Variants in MKKS observed in about 807,000 individuals in gnomAD.
MKKS encodes the protein MKKS centrosomal shuttling protein, also known as molecular chaperone MKKS.
A neutral mutation model predicts 33.2 loss-of-function variants in MKKS; 29 were observed. The observed-to-expected ratio is 0.87, with a 90% CI of 0.65 to 1.19. The LOEUF is 1.19. Among genes scored for constraint, MKKS ranks in the 50% most tolerant of loss-of-function variants. The probability of loss-of-function intolerance (pLI) is 0.00; values close to 1 mark genes in which losing one functional copy is unlikely to be tolerated. For synonymous variants in MKKS, 260 were observed against 244.0 expected, an observed-to-expected ratio of 1.07 and a Z score of -0.61; for missense variants, 661 against 662.3, an observed-to-expected ratio of 1.00 and a Z score of 0.02.
intron 1 of MKKS, among the ~76,000 whole-genome samples, chr20:10,432,619 A>AC (rs1463262574): frequency 6.6e-6 from 1 of 151,874 alleles, no homozygotes; most frequent in African/African-American, 2.4e-5. Flanking sequence ...ATGGCGAAAC[A>AC]CCATCTCTAC....
intron 1 of MKKS, among the ~76,000 whole-genome samples, chr20:10,421,314 C>T (rs921726127): frequency 2.0e-5 from 3 of 151,236 alleles, no homozygotes; most frequent in Non-Finnish European, 2.9e-5. Flanking sequence ...ATCCTAGCTA[C>T]TCTGGAGGCT....
In MKKS at chr20:10,404,440, G is replaced by T. The variant is rs2122217970; in HGVS notation, c.*807C>A. ...CTGGCATCTAGTGTGCAGAGGCCAG[G>T]GATGCTGCTCAGTAAGCTGTAATGC... On this transcript the variant is annotated 3_prime_UTR_variant, in exon 6 of 6. Coordinates refer to ENST00000347364, the MANE Select transcript of MKKS (RefSeq NM_170784.3). 1 of 150,980 alleles carries T rather than the reference G, an allele frequency of 6.6e-6. No homozygotes were observed. The highest frequency in any genetic ancestry group is 2.1e-4 in the South Asian group (1 of 4,772). 9.4% of individuals were successfully genotyped at this position (150,980 alleles called of 1,614,324 possible).
At chr20:10,422,011 G>C (rs1274888205) in intron 1 of MKKS, among the ~76,000 whole-genome samples, 2 of 151,948 alleles carry the variant, frequency 1.3e-5, no homozygotes, top group Admixed American at 6.6e-5. Flanking sequence ...TTGTCTAAAT[G>C]CCATTAGAAA....
chr20:10,421,322 G>T (rs1337418316), intron 1 of MKKS, among the ~76,000 whole-genome samples: 1 of 151,546 alleles, frequency 6.6e-6, no homozygotes, highest in Non-Finnish European at 1.5e-5. Context: ...TACTCTGGAG[G>T]CTGAGTCAGG....
At chr20:10,424,988 G>C (rs1443652163) in intron 1 of MKKS, among the ~76,000 whole-genome samples, 1 of 151,618 alleles carries the variant, frequency 6.6e-6, no homozygotes, top group Non-Finnish European at 1.5e-5. Context: ...GGGAGGCGGA[G>C]GTTGCAGTGA....
At position 10,403,448 on chromosome 20, in the gene MKKS, A is replaced by G. The variant is rs970254134; in HGVS notation, c.*1799T>C. The G allele has an allele frequency of 2.6e-5, 4 of 151,976 alleles. No homozygotes were observed. Among genetic ancestry groups the G allele is most frequent in the Non-Finnish European group, 5.9e-5 (4 of 68,000 alleles). 9.4% of individuals were successfully genotyped at this position (151,976 alleles called of 1,614,324 possible). A position where few individuals can be genotyped will look rare whatever the true frequency, so the allele number is the denominator to read the frequency against. ...CACTTTTGCATTACAACATCAGCTCAAAGTTCAGAATCTCATAATTGGAAT... is the reference window on the plus strand; with the variant it reads ...CACTTTTGCATTACAACATCAGCTCGAAGTTCAGAATCTCATAATTGGAAT... On this transcript the variant is annotated 3_prime_UTR_variant, in exon 6 of 6. Coordinates refer to ENST00000347364, the MANE Select transcript of MKKS (RefSeq NM_170784.3).
At chr20:10,421,792 A>T (rs1004983746) in intron 1 of MKKS, among the ~76,000 whole-genome samples, 13 of 151,580 alleles carry the variant, frequency 8.6e-5, no homozygotes, top group Non-Finnish European at 1.3e-4. Flanking sequence ...ATATATATAT[A>T]TTTTAAATTT....
chr20:10,430,208 A>G (rs1258839360), intron 1 of MKKS, among the ~76,000 whole-genome samples: 1 of 152,170 alleles, frequency 6.6e-6, no homozygotes, highest in Non-Finnish European at 1.5e-5. Flanking sequence ...ACTTTAAATC[A>G]TTTTTGTAAG....
intron 1 of MKKS, 83 bp from the exon 2 acceptor site, chr20:10,420,841 AG>A (rs1794898553): frequency 6.6e-6 from 1 of 152,228 alleles, no homozygotes; most frequent in South Asian, 2.1e-4. Context: ...CACTACAAGT[AG>A]CATGCTGTAC....
intron 1 of MKKS, among the ~76,000 whole-genome samples, chr20:10,423,364 G>C (rs1774294040): frequency 6.6e-6 from 1 of 152,158 alleles, no homozygotes; most frequent in Non-Finnish European, 1.5e-5. Flanking sequence ...TGAGGCTGCG[G>C]TGAGCTGAGA....
chr20:10,427,069 CACACACACACAA>C (rs2065020728), intron 1 of MKKS, among the ~76,000 whole-genome samples: 2 of 126,008 alleles, frequency 1.6e-5, no homozygotes, highest in Admixed American at 7.9e-5. Context: ...CACACACACA[CACACACACACAA>C]AGTAAGGTTA....
chr20:10,415,834 T>C (rs917053664), intron 2 of MKKS, among the ~76,000 whole-genome samples: 2 of 152,054 alleles, frequency 1.3e-5, no homozygotes, highest in Middle Eastern at 3.2e-3. Context: ...GTGAGACCAG[T>C]ACACATATCT....
At chr20:10,416,493 C>T (rs780203239) in intron 2 of MKKS, among the ~76,000 whole-genome samples, 3 of 151,784 alleles carry the variant, frequency 2.0e-5, no homozygotes, top group South Asian at 2.1e-4. Context: ...AAAAACATGA[C>T]GACAGCAACA....
At chr20:10,423,609 A>G (rs1336926574) in intron 1 of MKKS, among the ~76,000 whole-genome samples, 1 of 152,124 alleles carries the variant, frequency 6.6e-6, no homozygotes, top group African/African-American at 2.4e-5. Context: ...CATAGTATGA[A>G]CCCTCTTTGA....
chr20:10,423,653 T>A (rs1295869526), intron 1 of MKKS, among the ~76,000 whole-genome samples: 1 of 152,198 alleles, frequency 6.6e-6, no homozygotes, highest in African/African-American at 2.4e-5. Flanking sequence ...TAGCTCCCTA[T>A]AATACTTAGT....
chr20:10,415,002 C>T (rs745832040), intron 2 of MKKS, among the ~76,000 whole-genome samples: 1 of 152,100 alleles, frequency 6.6e-6, no homozygotes, highest in Non-Finnish European at 1.5e-5. Context: ...ATCTGAGTTG[C>T]AATTCAATTT....
Position 10,413,411 on chromosome 20 carries a change from G to A in MKKS, c.104C>T (p.Ser35Leu). ...CAGCCTACCTGAGGGGCCATAGCAT[G>A]ATGTTACAATTCTTTTCAAGACAGA... ...TLSVLKRIVT[S>L]CYGPSGRLKQ... The change falls in exon 3 of 6, where the codon TCA (serine) becomes TTA (leucine). Residue 35 changes from serine to leucine, a missense_variant. Coordinates refer to ENST00000347364, the MANE Select transcript of MKKS (RefSeq NM_170784.3). The A allele has an allele frequency of 6.2e-7, 1 of 1,613,130 alleles. No individual in the cohort carries two copies. The highest frequency in any genetic ancestry group is 8.5e-7 in the Non-Finnish European group (1 of 1,179,140).
At chr20:10,422,045 T>C (rs1368463893) in intron 1 of MKKS, among the ~76,000 whole-genome samples, 1 of 152,104 alleles carries the variant, frequency 6.6e-6, no homozygotes, top group Non-Finnish European at 1.5e-5. Flanking sequence ...AATTTCTTAT[T>C]CCCCCTTTTA....
chr20:10,407,469 C>T (rs2064851029), intron 5 of MKKS, 147 bp downstream of exon 5: 1 of 682,888 alleles, frequency 1.5e-6, no homozygotes. Context: ...TACAAGTTTA[C>T]CTGTATAACA....
Sources: allele counts gnomAD v4.1 joint callset (sites outside exome capture counted in the v4.1 genomes callset), GRCh38; gene constraint gnomAD v4.1.1; transcripts MANE v1.5; gene names NCBI Gene and HGNC (gene_info 2026-07-23, HGNC 2026-07-21).